Variants in YPEL4 observed in about 807,000 individuals in gnomAD.
YPEL4 encodes protein yippee-like 4.
In YPEL4, 5 loss-of-function variants were observed where a neutral mutation model predicts 16.3. The ratio of observed to expected loss-of-function variants is 0.31; its 90% confidence interval spans 0.16 to 0.64. The LOEUF is 0.64. Among genes scored for constraint, YPEL4 ranks in the 30% least tolerant of loss-of-function variants. YPEL4 has a pLI of 0.79. For missense variants in YPEL4, 127 were observed against 170.0 expected, an observed-to-expected ratio of 0.75 and a Z score of 1.41; for synonymous variants, 61 against 60.7, an observed-to-expected ratio of 1.00 and a Z score of -0.02.
rs370929809 is a variant in YPEL4, at chr11:57,645,637, G to A, written c.*344C>T. ...TCCTCTGTTCACTCAAAAAGAGGTG[G>A]AGCAAAAACGGATTCCTCCCACAAT... On this transcript the variant is annotated 3_prime_UTR_variant, in exon 5 of 5. Transcript: ENST00000300022. 2.1e-4 allele frequency: 56 copies of A among 271,974 alleles called. 1 individual carries two copies. The South Asian group carries it at 3.7e-3, about 18-fold the overall frequency. 16.8% of individuals were successfully genotyped at this position (271,974 alleles called of 1,614,324 possible).
In YPEL4 at chr11:57,646,677, C is replaced by A. The variant is rs1945733964; in HGVS notation, c.185+74G>T. On this transcript the variant is annotated intron_variant, in intron 3 of 4. Transcript: ENST00000300022. ...CACAAGATCACCTGATGGATTCCCC[C>A]CTTTCTCCACAGAGGAAAATTACTC... The A allele has an allele frequency of 3.2e-6, 5 of 1,585,144 alleles. No individual in the cohort carries two copies. In the East Asian group the frequency reaches 6.8e-5, roughly 22 times the overall value.
chr11:57,647,192 G>T lies in YPEL4; in HGVS notation c.-85C>A. On this transcript the variant is annotated 5_prime_UTR_variant, in exon 2 of 5. Coordinates refer to ENST00000300022, the MANE Select transcript of YPEL4 (RefSeq NM_145008.3). This position sits in a 1 kb window ranked among gnomAD's most constrained non-coding sequence, Gnocchi z 4.2. The stretch of plus-strand genomic sequence containing the variant: ...AGAGACGGTCGCAGGTGAAGCAGCG[G>T]AGCAGGTTGGCTAGAGCCGTGTTTC... The T allele has an allele frequency of 6.8e-7, 1 of 1,464,058 alleles. No individual in the cohort carries two copies. Among genetic ancestry groups the T allele is most frequent in the South Asian group, 1.4e-5 (1 of 70,056 alleles). The allele number at this position is 1,464,058 out of a possible 1,614,324, so 90.7% of individuals were successfully genotyped here.
Position 57,645,678 on chromosome 11 carries a change from CTA to C in YPEL4, c.*301_*302del. The C allele has an allele frequency of 2.5e-6, 1 of 402,810 alleles. No homozygotes were observed. Among genetic ancestry groups the C allele is most frequent in the Non-Finnish European group, 4.5e-6 (1 of 221,438 alleles). The allele number at this position is 402,810 out of a possible 1,614,324, so 25.0% of individuals were successfully genotyped here. ...CTCCCACAATCCTCTCTGCCTGAGT[CTA>C]TGCCCTGCCATCGCTTCCATGTTCA... On this transcript the variant is annotated 3_prime_UTR_variant, in exon 5 of 5. Transcript: ENST00000300022.
chr11:57,646,247 G>T lies in YPEL4; in HGVS notation c.294+50C>A, dbSNP rs890036. On this transcript the variant is annotated intron_variant, in intron 4 of 4. Coordinates refer to ENST00000300022, the MANE Select transcript of YPEL4 (RefSeq NM_145008.3). ...TGACATGGTCACTGGTGCTTGAAGG[G>T]CCATGGGGACTGCCACTTTAGAGGG... The T allele has an allele frequency of 1.9e-6, 3 of 1,600,230 alleles. No homozygotes were observed. The South Asian group carries it at 3.3e-5, about 18-fold the overall frequency.
chr11:57,647,252 G>C lies in YPEL4; in HGVS notation c.-145C>G. 3.5e-6 allele frequency: 4 copies of C among 1,150,560 alleles called. No homozygotes were observed. Among genetic ancestry groups the C allele is most frequent in the Non-Finnish European group, 4.7e-6 (4 of 850,092 alleles). 71.3% of individuals were successfully genotyped at this position (1,150,560 alleles called of 1,614,324 possible). The stretch of plus-strand genomic sequence containing the variant: ...GAAGTGTTGGGGGGCTGCCCGGCCA[G>C]GGCCCCCCCAGACGAGAACCAGATA... On this transcript the variant is annotated 5_prime_UTR_variant, in exon 2 of 5. Transcript: ENST00000300022. This position sits in a 1 kb window ranked among gnomAD's most constrained non-coding sequence, Gnocchi z 4.2.
At position 57,646,765 on chromosome 11, in the gene YPEL4, GTAGGCTC is replaced by G. The variant is rs755533289; in HGVS notation, c.164_170del (p.Arg55ProfsTer26). On this transcript the variant is annotated frameshift_variant, in exon 3 of 5. Coordinates refer to ENST00000300022, the MANE Select transcript of YPEL4 (RefSeq NM_145008.3). LOFTEE classifies it high-confidence loss of function. ...GGTAGACTCACACGGAGTTAAACAG[GTAGGCTC>G]GGCCATGGCTCCCTTGGAAGGACTG... is the stretch of plus-strand genomic sequence containing the variant. 1.2e-6 allele frequency: 2 copies of G among 1,613,870 alleles called. No individual in the cohort carries two copies. Among genetic ancestry groups the G allele is most frequent in the African/African-American group, 2.7e-5 (2 of 74,926 alleles).
chr11:57,645,349 T>A lies in YPEL4; in HGVS notation c.*632A>T, dbSNP rs946404087. On this transcript the variant is annotated 3_prime_UTR_variant, in exon 5 of 5. Coordinates refer to ENST00000300022, the MANE Select transcript of YPEL4 (RefSeq NM_145008.3). ...CCACCCAATGGCAAAAGTTAGATACTCGAAAGTGCCTCTTCAGTGCCAAGA... is the reference window on the plus strand; with the variant it reads ...CCACCCAATGGCAAAAGTTAGATACACGAAAGTGCCTCTTCAGTGCCAAGA... 6.5e-6 allele frequency: 1 copy of A among 152,810 alleles called. No homozygotes were observed. Among genetic ancestry groups the A allele is most frequent in the Admixed American group, 6.5e-5 (1 of 15,298 alleles). 9.5% of individuals were successfully genotyped at this position (152,810 alleles called of 1,614,324 possible). A position where few individuals can be genotyped will look rare whatever the true frequency, so the allele number is the denominator to read the frequency against.
At position 57,647,082 on chromosome 11, in the gene YPEL4, C is replaced by T; in HGVS notation, c.26G>A (p.Gly9Asp). The part of the protein sequence containing the change: MPSCDPGP[G>D]PACLPTKTFR... The stretch of plus-strand genomic sequence containing the variant: ...AGTCTTGGTGGGGAGGCAGGCAGGG[C>T]CCGGACCGGGGTCACAGCTGGGCAT... The change falls in exon 2 of 5, where the codon GGC (glycine) becomes GAC (aspartate). Residue 9 changes from glycine to aspartate, a missense_variant. Gly to Asp is a moderately conservative substitution (Grantham distance 94, BLOSUM62 -1). Transcript: ENST00000300022. This position sits in a 1 kb window ranked among gnomAD's most constrained non-coding sequence, Gnocchi z 4.2. 1.9e-6 allele frequency: 3 copies of T among 1,589,858 alleles called. No homozygotes were observed. The highest frequency in any genetic ancestry group is 2.6e-6 in the Non-Finnish European group (3 of 1,170,176).
rs1945742327 is a variant in YPEL4, at chr11:57,647,177, G to A, written c.-70C>T. ...CCGTGCAGCCCCCGCAGAGACGGTC[G>A]CAGGTGAAGCAGCGGAGCAGGTTGG... On this transcript the variant is annotated 5_prime_UTR_variant, in exon 2 of 5. Coordinates refer to ENST00000300022, the MANE Select transcript of YPEL4 (RefSeq NM_145008.3). This position sits in a 1 kb window ranked among gnomAD's most constrained non-coding sequence, Gnocchi z 4.2. The A allele has an allele frequency of 5.4e-6, 8 of 1,476,054 alleles. No individual in the cohort carries two copies. Among genetic ancestry groups the A allele is most frequent in the Admixed American group, 5.7e-5 (2 of 34,848 alleles). The allele number at this position is 1,476,054 out of a possible 1,614,324, so 91.4% of individuals were successfully genotyped here.
At position 57,646,807 on chromosome 11, in the gene YPEL4, A is replaced by G. The variant is rs912588534; in HGVS notation, c.142-13T>C. ...TCCCTTGGAAGGACTGTGGAGACAT[A>G]GGACAGACAATGACTACCAAGCAGC... On this transcript the variant is annotated splice_polypyrimidine_tract_variant and intron_variant, in intron 2 of 4. Coordinates refer to ENST00000300022, the MANE Select transcript of YPEL4 (RefSeq NM_145008.3). The G allele has an allele frequency of 1.5e-5, 24 of 1,613,676 alleles. No individual in the cohort carries two copies. Among genetic ancestry groups the G allele is most frequent in the Non-Finnish European group, 2.0e-5 (24 of 1,179,912 alleles).
chr11:57,646,054 G>C lies in YPEL4; in HGVS notation c.311C>G (p.Thr104Arg), dbSNP rs371932613. ...LGWKYEQAFETSQKYKEGKYI... is the reference protein window; with the variant it reads ...LGWKYEQAFERSQKYKEGKYI... ...TTTCCCTTCCTTGTACTTCTGGCTCGTCTCAAAAGCTTGCTCCTGGTGAAG... is the reference window on the plus strand; with the variant it reads ...TTTCCCTTCCTTGTACTTCTGGCTCCTCTCAAAAGCTTGCTCCTGGTGAAG... Residue 104 changes from threonine (T) to arginine (R), a missense_variant, in exon 5 of 5, where the codon ACG (threonine) becomes AGG (arginine). Thr to Arg is a moderately conservative substitution (Grantham distance 71). Transcript: ENST00000300022. 6.2e-7 allele frequency: 1 copy of C among 1,614,072 alleles called. No individual in the cohort carries two copies. The highest frequency in any genetic ancestry group is 8.5e-7 in the Non-Finnish European group (1 of 1,180,028).
chr11:57,646,598 G>T lies in YPEL4; in HGVS notation c.185+153C>A, dbSNP rs1945732794. ...TTTCAATTCTCCCCCGGCTCCCCATGTGAGAACTTCAGATTGAGACCCTCT... is the reference window on the plus strand; with the variant it reads ...TTTCAATTCTCCCCCGGCTCCCCATTTGAGAACTTCAGATTGAGACCCTCT... On this transcript the variant is annotated intron_variant, in intron 3 of 4. Coordinates refer to ENST00000300022, the MANE Select transcript of YPEL4 (RefSeq NM_145008.3). The T allele has an allele frequency of 2.3e-5, 30 of 1,283,060 alleles. 1 individual carries two copies. In the South Asian group the frequency reaches 3.9e-4, roughly 17 times the overall value. 79.5% of individuals were successfully genotyped at this position (1,283,060 alleles called of 1,614,324 possible). A position where few individuals can be genotyped will look rare whatever the true frequency, so the allele number is the denominator to read the frequency against.
intron 2 of YPEL4, 29 bp from the exon 3 acceptor site, chr11:57,646,823 A>C: frequency 6.2e-7 from 1 of 1,613,368 alleles, no homozygotes; most frequent in South Asian, 1.1e-5. Context: ...GACAATGACT[A>C]CCAAGCAGCC....
intron 1 of YPEL4, chr11:57,649,053 G>A (rs1945762198): frequency 6.6e-6 from 1 of 152,210 alleles, no homozygotes; most frequent in African/African-American, 2.4e-5. Flanking sequence ...GGGGAGTAGG[G>A]GTCATTTTTT....
chr11:57,647,211 G>A lies in YPEL4; in HGVS notation c.-104C>T. 1.4e-6 allele frequency: 2 copies of A among 1,420,626 alleles called. No homozygotes were observed. Among genetic ancestry groups the A allele is most frequent in the Non-Finnish European group, 1.9e-6 (2 of 1,078,588 alleles). The allele number at this position is 1,420,626 out of a possible 1,614,324, so 88.0% of individuals were successfully genotyped here. On this transcript the variant is annotated 5_prime_UTR_variant, in exon 2 of 5. In the 5' UTR this introduces an upstream ATG that the reference lacks. Transcript: ENST00000300022. The surrounding 1 kb of genome is among the most constrained non-coding windows in gnomAD (Gnocchi z 4.2). ...GCAGCGGAGCAGGTTGGCTAGAGCC[G>A]TGTTTCAGGGCAGGAGAAGTGTTGG...
chr11:57,646,704 C>T lies in YPEL4; in HGVS notation c.185+47G>A, dbSNP rs1370208963. On this transcript the variant is annotated intron_variant, in intron 3 of 4. Transcript: ENST00000300022. ...TTTCTCCACAGAGGAAAATTACTCA[C>T]TCACACACAAGCACAAGCACACGCA... 3.1e-6 allele frequency: 5 copies of T among 1,609,564 alleles called. No homozygotes were observed. The Admixed American group carries it at 6.8e-5, about 22-fold the overall frequency.
rs903762577 is a variant in YPEL4, at chr11:57,646,282, T to A, written c.294+15A>T. ...CTGCCACTTTAGAGGGTGACCCTCT[T>A]CCTCAGGTACTTACATATTTCCAGC... On this transcript the variant is annotated intron_variant, in intron 4 of 4. Transcript: ENST00000300022. The A allele has an allele frequency of 6.8e-6, 11 of 1,613,994 alleles. No individual in the cohort carries two copies. Among genetic ancestry groups the A allele is most frequent in the Non-Finnish European group, 9.3e-6 (11 of 1,179,896 alleles).
chr11:57,645,682 GC>G lies in YPEL4; in HGVS notation c.*298del. On this transcript the variant is annotated 3_prime_UTR_variant, in exon 5 of 5. Coordinates refer to ENST00000300022, the MANE Select transcript of YPEL4 (RefSeq NM_145008.3). ...CACAATCCTCTCTGCCTGAGTCTAT[GC>G]CCTGCCATCGCTTCCATGTTCAGGA... 2.4e-6 allele frequency: 1 copy of G among 410,610 alleles called. No individual in the cohort carries two copies. 25.4% of individuals were successfully genotyped at this position (410,610 alleles called of 1,614,324 possible). A position where few individuals can be genotyped will look rare whatever the true frequency, so the allele number is the denominator to read the frequency against.
At position 57,647,443 on chromosome 11, in the gene YPEL4, C is replaced by G. The variant is rs958327238; in HGVS notation, c.-184-152G>C. 3.5e-5 allele frequency: 7 copies of G among 199,964 alleles called. No homozygotes were observed. Among genetic ancestry groups the G allele is most frequent in the East Asian group, 1.2e-4 (1 of 8,618 alleles). 12.4% of individuals were successfully genotyped at this position (199,964 alleles called of 1,614,324 possible). On this transcript the variant is annotated intron_variant, in intron 1 of 4. Transcript: ENST00000300022. The surrounding 1 kb of genome is among the most constrained non-coding windows in gnomAD (Gnocchi z 4.2). ...GCATCCAGTTGCATTGTCGCCCTGT[C>G]CCCTGGATCCCCATTCTGCTCTGGC... is the stretch of plus-strand genomic sequence containing the variant.
Sources: gnomAD v4.1 joint callset for allele counts on GRCh38, gnomAD v4.1.1 for gene constraint, Gnocchi (gnomAD v3.1) non-coding constraint, MANE v1.5 for transcripts, NCBI Gene and HGNC (gene_info 2026-07-23, HGNC 2026-07-21) for gene names.